The following TMEM63C variants were observed in gnomAD, a reference collection of about 807,000 sequenced individuals.
TMEM63C encodes osmosensitive cation channel TMEM63C.
TMEM63C carries 32 observed loss-of-function variants against 99.2 expected under a neutral mutation model. The observed-to-expected ratio is 0.32, with a 90% CI of 0.24 to 0.43. TMEM63C has a LOEUF of 0.43. Among genes scored for constraint, TMEM63C ranks in the 20% least tolerant of loss-of-function variants. TMEM63C has a pLI of 1.00. For missense variants in TMEM63C, 826 were observed against 1,053.0 expected (o/e 0.78, Z 2.98); for synonymous variants, 376 against 397.9 (o/e 0.94, Z 0.66).
At chr14:77,203,993 C>A (rs534990077) in intron 1 of TMEM63C, among the ~76,000 whole-genome samples, 28 of 152,358 alleles carry the variant, frequency 1.8e-4, no homozygotes, top group Admixed American at 6.5e-4. Flanking sequence ...CAGACTCCTG[C>A]AGAGGAAGCA....
In TMEM63C at chr14:77,256,639, G is replaced by T; in HGVS notation, c.2334G>T (p.Glu778Asp). 1 of 1,614,030 alleles carries T rather than the reference G, an allele frequency of 6.2e-7. No homozygotes were observed. Among genetic ancestry groups the T allele is most frequent in the Non-Finnish European group, 8.5e-7 (1 of 1,179,898 alleles). The stretch of plus-strand genomic sequence containing the variant: ...ACCAGCCGGAAGAGGGAGAAGAAGA[G>T]AGTGGTCTGAGGGGCTTTGCGAGGG... ...MNNQPEEGEEESGLRGFAREL... is the reference protein window; with the variant it reads ...MNNQPEEGEEDSGLRGFAREL... The change falls in exon 24 of 24, where the codon GAG becomes GAT. Residue 778 changes from glutamate (E) to aspartate (D), a missense_variant. By Grantham distance (45) the Glu-to-Asp change is conservative. Transcript: ENST00000298351.
chr14:77,235,271 A>G (rs391944), intron 8 of TMEM63C, among the ~76,000 whole-genome samples: 9,763 of 150,364 alleles, frequency 0.065, 404 homozygotes, highest in Admixed American at 0.11. Flanking sequence ...GCTGGGAGAG[A>G]GGGGTCCAGG....
intron 1 of TMEM63C, among the ~76,000 whole-genome samples, chr14:77,185,939 C>G (rs1296385972): frequency 6.6e-6 from 1 of 151,894 alleles, no homozygotes; most frequent in Non-Finnish European, 1.5e-5. Context: ...CCCCTTCTTT[C>G]CATTTGCTCG....
intron 1 of TMEM63C, among the ~76,000 whole-genome samples, chr14:77,210,421 C>T (rs1888475986): frequency 6.6e-6 from 1 of 152,190 alleles, no homozygotes; most frequent in African/African-American, 2.4e-5. Flanking sequence ...GCAAACCACT[C>T]TTTGTTGTGA....
chr14:77,241,708 A>C (rs895386289), intron 13 of TMEM63C, among the ~76,000 whole-genome samples: 1 of 152,228 alleles, frequency 6.6e-6, no homozygotes, highest in African/African-American at 2.4e-5. Flanking sequence ...GAGGGTTGAC[A>C]AGTGATATGC....
Position 77,236,823 on chromosome 14 carries a change from G to C in TMEM63C, c.651+91G>C, listed in dbSNP as rs924666482. 3.4e-6 allele frequency: 3 copies of C among 888,420 alleles called. No individual in the cohort carries two copies. In the African/African-American group the frequency reaches 4.9e-5, roughly 15 times the overall value. The allele number at this position is 888,420 out of a possible 1,614,324, so 55.0% of individuals were successfully genotyped here. A position where few individuals can be genotyped will look rare whatever the true frequency, so the allele number is the denominator to read the frequency against. Reference sequence around the variant, plus strand: ...CTTCCAACCCTCAGAGAAGCCCTCAGAGGGTCCAGGGAGACTGTGATAGAT... The same window carrying C: ...CTTCCAACCCTCAGAGAAGCCCTCACAGGGTCCAGGGAGACTGTGATAGAT... On this transcript the variant is annotated intron_variant, in intron 9 of 23. Coordinates refer to ENST00000298351, the MANE Select transcript of TMEM63C (RefSeq NM_020431.4).
chr14:77,224,011 C>T (rs953410611), intron 5 of TMEM63C, among the ~76,000 whole-genome samples: 1 of 152,106 alleles, frequency 6.6e-6, no homozygotes, highest in African/African-American at 2.4e-5. Flanking sequence ...CTCCCCACTG[C>T]TGCTGCCACC....
At chr14:77,221,664 C>CGCCTCCTCTCCCACTCAT (rs1267034472) in intron 5 of TMEM63C, among the ~76,000 whole-genome samples, 17 of 119,546 alleles carry the variant, frequency 1.4e-4, no homozygotes, top group African/African-American at 2.0e-4. Flanking sequence ...CTCCCACCCA[C>CGCCTCCTCTCCCACTCAT]GCCTCCTCTC....
intron 1 of TMEM63C, among the ~76,000 whole-genome samples, chr14:77,210,302 G>A (rs1444735225): frequency 6.6e-6 from 1 of 152,126 alleles, no homozygotes; most frequent in Non-Finnish European, 1.5e-5. Context: ...TGAAAGCACT[G>A]AGTGGGGAGC....
intron 1 of TMEM63C, among the ~76,000 whole-genome samples, chr14:77,202,563 G>T (rs1336396504): frequency 6.6e-6 from 1 of 152,108 alleles, no homozygotes; most frequent in East Asian, 1.9e-4. Flanking sequence ...GCAGTTCTTG[G>T]CATTCCTTGA....
chr14:77,247,568 A>G (rs1889287194), intron 18 of TMEM63C, among the ~76,000 whole-genome samples: 1 of 152,206 alleles, frequency 6.6e-6, no homozygotes, highest in African/African-American at 2.4e-5. Flanking sequence ...CAGTATAAAA[A>G]CTGATATTAC....
At chr14:77,242,504 C>G in intron 14 of TMEM63C, 35 bp downstream of exon 14, 1 of 1,608,704 alleles carries the variant, frequency 6.2e-7, no homozygotes, top group African/African-American at 1.3e-5. Flanking sequence ...CTCCTCTGAG[C>G]TCCTCTGAGA....
At chr14:77,234,199 A>C (rs532402614) in intron 8 of TMEM63C, among the ~76,000 whole-genome samples, 4 of 152,304 alleles carry the variant, frequency 2.6e-5, no homozygotes, top group African/African-American at 9.6e-5. Context: ...CTGCAGAAGC[A>C]GCTCCAGCAA....
chr14:77,238,213 C>T (rs1237424221), intron 9 of TMEM63C, among the ~76,000 whole-genome samples: 1 of 152,202 alleles, frequency 6.6e-6, no homozygotes. Flanking sequence ...GTTTACTTCC[C>T]AACTCCCCGG....
chr14:77,248,616 T>C, intron 19 of TMEM63C, 107 bp downstream of exon 19: 1 of 1,510,598 alleles, frequency 6.6e-7, no homozygotes, highest in Non-Finnish European at 9.0e-7. Flanking sequence ...AGGGACGGTG[T>C]GGATGGGTGT....
chr14:77,250,413 G>A (rs1398598376), intron 21 of TMEM63C, among the ~76,000 whole-genome samples: 1 of 151,276 alleles, frequency 6.6e-6, no homozygotes, highest in Non-Finnish European at 1.5e-5. Flanking sequence ...GGAGAAGGGA[G>A]ACGCGGTGTT....
chr14:77,222,242 A>C (rs1310678812), intron 5 of TMEM63C, among the ~76,000 whole-genome samples: 1 of 152,160 alleles, frequency 6.6e-6, no homozygotes, highest in African/African-American at 2.4e-5. Context: ...CCTTGGTCTC[A>C]GACCTCCCAC....
intron 8 of TMEM63C, among the ~76,000 whole-genome samples, chr14:77,234,977 G>A (rs571104165): frequency 1.5e-4 from 23 of 152,250 alleles, no homozygotes; most frequent in African/African-American, 4.6e-4. Flanking sequence ...ACCTCCCAGC[G>A]CACCATTGCT....
In TMEM63C at chr14:77,255,240, C is replaced by T. The variant is rs930370893; in HGVS notation, c.2221-1286C>T. ...TTCTGACCTCAGCTGATCCACCCGC[C>T]TCGGCCTCCCAAAGTGCTGGGATTA... On this transcript the variant is annotated intron_variant, in intron 23 of 23. Transcript: ENST00000298351. Among the ~76,000 whole-genome samples the T allele has an allele frequency of 2.0e-5, 3 of 152,256 alleles. No individual in the cohort carries two copies. In the East Asian group the frequency reaches 5.8e-4, roughly 29 times the overall value.
Sources: allele counts gnomAD v4.1 joint callset (sites outside exome capture counted in the v4.1 genomes callset), GRCh38; gene constraint gnomAD v4.1.1; transcripts MANE v1.5; gene names NCBI Gene and HGNC (gene_info 2026-07-23, HGNC 2026-07-21).